Variants in CWC27 observed in about 807,000 individuals in gnomAD.
The protein encoded by CWC27 is spliceosome-associated protein CWC27 homolog.
A neutral mutation model predicts 63.6 loss-of-function variants in CWC27; 47 were observed. That is an observed-to-expected ratio of 0.74 (90% CI 0.58 to 0.94). The LOEUF (loss-of-function observed/expected upper bound fraction) is 0.94, where lower values mean the gene tolerates loss of function less well. CWC27 is among the 40% of genes least tolerant of loss of function. CWC27 has a pLI of 0.00. For synonymous variants in CWC27, 175 were observed against 179.8 expected (o/e 0.97, Z 0.22); for missense variants, 495 against 554.3 (o/e 0.89, Z 1.07).
intron 10 of CWC27, among the ~76,000 whole-genome samples, chr5:64,809,707 G>A (rs534076166): frequency 2.0e-5 from 3 of 152,292 alleles, no homozygotes; most frequent in Non-Finnish European, 4.4e-5. Context: ...TTTGAGAAAT[G>A]TCTGTTTAGG....
At chr5:64,896,215 A>T (rs899653222) in intron 11 of CWC27, among the ~76,000 whole-genome samples, 4 of 152,198 alleles carry the variant, frequency 2.6e-5, no homozygotes, top group South Asian at 2.1e-4. Flanking sequence ...CTTATTTTCA[A>T]TGGACTGAGG....
At chr5:64,887,649 C>T (rs1395489864) in intron 11 of CWC27, among the ~76,000 whole-genome samples, 1 of 152,092 alleles carries the variant, frequency 6.6e-6, no homozygotes, top group Non-Finnish European at 1.5e-5. Flanking sequence ...GACACACATT[C>T]AAGGATTCCT....
chr5:64,782,469 A>AATAAATAAATAC (rs1554067449), intron 3 of CWC27, among the ~76,000 whole-genome samples: 2 of 151,584 alleles, frequency 1.3e-5, no homozygotes, highest in Non-Finnish European at 2.9e-5. Flanking sequence ...TAAATAAATA[A>AATAAATAAATAC]ATAAATAAAT....
Position 65,006,059 on chromosome 5 carries a change from T to C in CWC27, c.1257-12100T>C, listed in dbSNP as rs190981953. 1.1e-3 allele frequency among the ~76,000 whole-genome samples: 173 copies of C among 151,930 alleles called. 1 individual carries two copies. The highest frequency in any genetic ancestry group is 1.9e-3 in the Non-Finnish European group (132 of 68,018). On this transcript the variant is annotated intron_variant, in intron 13 of 13. Transcript: ENST00000381070. ...AACTCATTTGAAATGAATCTAAAGC[T>C]TTGTGATTTTTGTGTTGCTTGTGAT... is the stretch of plus-strand genomic sequence containing the variant.
chr5:64,775,467 A>G (rs1743408084), intron 2 of CWC27, among the ~76,000 whole-genome samples: 1 of 152,124 alleles, frequency 6.6e-6, no homozygotes, highest in Non-Finnish European at 1.5e-5. Context: ...TTAGTTGGAC[A>G]TTATTTCCTA....
Position 64,809,070 on chromosome 5 carries a change from A to G in CWC27, c.938+4684A>G, listed in dbSNP as rs370040981. 1.0e-3 allele frequency among the ~76,000 whole-genome samples: 159 copies of G among 152,312 alleles called. 1 individual carries two copies. The highest frequency in any genetic ancestry group is 3.7e-3 in the African/African-American group (153 of 41,574). On this transcript the variant is annotated intron_variant, in intron 10 of 13. Transcript: ENST00000381070. Reference sequence around the variant, plus strand: ...AAGAAACAAAAAATTGCCATTACCCATAAATTCACCTCTTGCCCCATTCTA... The same window carrying G: ...AAGAAACAAAAAATTGCCATTACCCGTAAATTCACCTCTTGCCCCATTCTA...
At position 64,983,807 on chromosome 5, in the gene CWC27, G is replaced by T. The variant is rs36050966; in HGVS notation, c.1256+6569G>T. On this transcript the variant is annotated intron_variant, in intron 13 of 13. Transcript: ENST00000381070. ...TCTAAATTTTTTCTCACACAAAGTA[G>T]TATTTAAATATATTCTTTTACTTTT... 8.4e-3 allele frequency among the ~76,000 whole-genome samples: 1,286 copies of T among 152,210 alleles called. 16 individuals carry two copies. The highest frequency in any genetic ancestry group is 0.014 in the Non-Finnish European group (947 of 67,986).
chr5:64,995,656 C>T (rs1195927798), intron 13 of CWC27, among the ~76,000 whole-genome samples: 2 of 151,898 alleles, frequency 1.3e-5, no homozygotes, highest in Admixed American at 6.6e-5. Context: ...CAGAGTAAGG[C>T]CTTATGTATA....
chr5:64,969,709 C>T (rs1292384539), intron 11 of CWC27, among the ~76,000 whole-genome samples: 1 of 151,948 alleles, frequency 6.6e-6, no homozygotes, highest in Non-Finnish European at 1.5e-5. Context: ...GAGTTAATGT[C>T]TAGTGAGTTT....
intron 10 of CWC27, among the ~76,000 whole-genome samples, chr5:64,824,728 C>CTTTTT (rs768576527): frequency 4.0e-4 from 37 of 91,974 alleles, no homozygotes; most frequent in Middle Eastern, 6.3e-3. Flanking sequence ...TTTCTTTTCT[C>CTTTTT]TTTTTTTTTT....
At chr5:64,943,930 G>A (rs905451285) in intron 11 of CWC27, among the ~76,000 whole-genome samples, 2 of 151,980 alleles carry the variant, frequency 1.3e-5, no homozygotes, top group Admixed American at 6.6e-5. Context: ...GAAGAAAACC[G>A]TTACCATAAC....
chr5:64,893,226 C>G (rs568823597), intron 11 of CWC27, among the ~76,000 whole-genome samples: 2 of 152,342 alleles, frequency 1.3e-5, no homozygotes, highest in South Asian at 2.1e-4. Context: ...AGACTGCTGT[C>G]AAGACCTTAT....
intron 2 of CWC27, among the ~76,000 whole-genome samples, chr5:64,776,692 A>G (rs1473990312): frequency 6.6e-6 from 1 of 152,164 alleles, no homozygotes; most frequent in Non-Finnish European, 1.5e-5. Flanking sequence ...AATATAATCC[A>G]GAAAACCCCA....
chr5:64,990,460 T>C (rs1749519441), intron 13 of CWC27, among the ~76,000 whole-genome samples: 1 of 71,450 alleles, frequency 1.4e-5, no homozygotes, highest in East Asian at 3.2e-4. Context: ...AGAGACGGGG[T>C]TTCACCGTTT....
intron 10 of CWC27, among the ~76,000 whole-genome samples, chr5:64,882,786 C>T (rs181597382): frequency 3.3e-5 from 5 of 152,114 alleles, no homozygotes; most frequent in Admixed American, 2.6e-4. Flanking sequence ...TTAGTAGAGA[C>T]GGAGTTTCAC....
At chr5:64,844,796 G>C in intron 10 of CWC27, 1 of 427,626 alleles carries the variant, frequency 2.3e-6, no homozygotes, top group Non-Finnish European at 4.7e-6. Flanking sequence ...AGACCTGTTT[G>C]ACCCAGGCAG....
chr5:64,906,327 A>G (rs1747640575), intron 11 of CWC27, among the ~76,000 whole-genome samples: 1 of 152,166 alleles, frequency 6.6e-6, no homozygotes, highest in Admixed American at 6.5e-5. Flanking sequence ...CCTTTCCAAT[A>G]TCTGTTTTTT....
chr5:64,988,707 G>C (rs1448553805), intron 13 of CWC27, among the ~76,000 whole-genome samples: 3 of 151,426 alleles, frequency 2.0e-5, no homozygotes, highest in Non-Finnish European at 4.4e-5. Context: ...GGGTTCAAGA[G>C]ACTCTCTTGC....
chr5:64,874,068 G>T (rs1443725782), intron 10 of CWC27, among the ~76,000 whole-genome samples: 1 of 148,214 alleles, frequency 6.7e-6, no homozygotes, highest in Non-Finnish European at 1.5e-5. Context: ...CTTTTTCCTT[G>T]ATATTTGTCT....
Sources: allele counts gnomAD v4.1 joint callset (sites outside exome capture counted in the v4.1 genomes callset), GRCh38; gene constraint gnomAD v4.1.1; transcripts MANE v1.5; gene names NCBI Gene and HGNC (gene_info 2026-07-23, HGNC 2026-07-21).